Variants in WDR41 observed in about 807,000 individuals in gnomAD.
WDR41 encodes the protein WD repeat-containing protein 41.
Under a neutral mutation model 69.3 loss-of-function variants are expected in WDR41, and 63 were observed. The ratio of observed to expected loss-of-function variants is 0.91; its 90% CI spans 0.74 to 1.12. The LOEUF (loss-of-function observed/expected upper bound fraction) is 1.12, where lower values mean the gene tolerates loss of function less well. Ranked by LOEUF, WDR41 falls within the 50% of genes most tolerant of loss-of-function variation. The probability of loss-of-function intolerance (pLI) is 0.00; values close to 1 mark genes in which losing one functional copy is unlikely to be tolerated. For missense variants in WDR41, 543 were observed against 534.5 expected (o/e 1.02, Z -0.16); for synonymous variants, 185 against 192.1 (o/e 0.96, Z 0.31).
At chr5:77,466,804 C>A (rs1028152085) in intron 2 of WDR41, among the ~76,000 whole-genome samples, 1 of 143,138 alleles carries the variant, frequency 7.0e-6, no homozygotes, top group African/African-American at 2.8e-5. Flanking sequence ...TCTATTGCTA[C>A]CATTTTTTTT....
At chr5:77,480,479 G>C (rs1433707279) in intron 2 of WDR41, among the ~76,000 whole-genome samples, 2 of 152,036 alleles carry the variant, frequency 1.3e-5, no homozygotes, top group Non-Finnish European at 2.9e-5. Context: ...ATACACCATG[G>C]AATACTATGC....
chr5:77,528,206 A>G (rs995671383), intron 1 of WDR41, among the ~76,000 whole-genome samples: 1 of 151,754 alleles, frequency 6.6e-6, no homozygotes, highest in African/African-American at 2.4e-5. Context: ...GAGATTTACA[A>G]CACATATATA....
intron 1 of WDR41, among the ~76,000 whole-genome samples, chr5:77,607,461 G>A (rs927800138): frequency 2.0e-5 from 3 of 152,224 alleles, no homozygotes; most frequent in Non-Finnish European, 2.9e-5. Flanking sequence ...TTTCAAGAGG[G>A]TCACTAGAAG....
intron 4 of WDR41, among the ~76,000 whole-genome samples, chr5:77,460,402 T>G (rs962550679): frequency 3.3e-5 from 5 of 152,222 alleles, no homozygotes; most frequent in African/African-American, 9.7e-5. Context: ...TGGCCTTATA[T>G]TTACCAGAAT....
chr5:77,443,509 CTA>C (rs1213362720), intron 8 of WDR41, among the ~76,000 whole-genome samples: 3 of 152,148 alleles, frequency 2.0e-5, no homozygotes, highest in South Asian at 4.1e-4. Flanking sequence ...TTAACAGACT[CTA>C]TAGAACTTGC....
chr5:77,570,811 T>A (rs1206033374), intron 1 of WDR41, among the ~76,000 whole-genome samples: 1 of 151,950 alleles, frequency 6.6e-6, no homozygotes. Context: ...TCTTCCTTAG[T>A]CATCCATCTC....
intron 6 of WDR41, among the ~76,000 whole-genome samples, chr5:77,453,351 TTTGA>T (rs1459342222): frequency 1.7e-4 from 26 of 152,376 alleles, no homozygotes; most frequent in South Asian, 1.4e-3. Flanking sequence ...TCAAAACTGA[TTTGA>T]TTATTTTTTT....
At chr5:77,493,012 T>A (rs1227363448), upstream of WDR41, among the ~76,000 whole-genome samples, 1 of 152,242 alleles carries the variant, frequency 6.6e-6, no homozygotes, top group Non-Finnish European at 1.5e-5. Context: ...ATATACCTTT[T>A]TTTGACTACT....
chr5:77,597,650 G>A (rs571072920), intron 1 of WDR41, among the ~76,000 whole-genome samples: 2 of 152,280 alleles, frequency 1.3e-5, no homozygotes, highest in Admixed American at 1.3e-4. Context: ...CCTTGAAATA[G>A]ATTTGTTTTG....
chr5:77,530,731 A>G (rs1009713785), intron 1 of WDR41, among the ~76,000 whole-genome samples: 1 of 151,784 alleles, frequency 6.6e-6, no homozygotes, highest in African/African-American at 2.4e-5. Context: ...TATGCATTTC[A>G]TTATATGTAA....
chr5:77,432,685 A>C lies in WDR41; in HGVS notation c.*450T>G, dbSNP rs16874264. 0.042 allele frequency: 6,384 copies of C among 152,720 alleles called. 145 individuals carry two copies. Among genetic ancestry groups the C allele is most frequent in the Middle Eastern group, 0.098 (29 of 296 alleles). 9.5% of individuals were successfully genotyped at this position (152,720 alleles called of 1,614,324 possible). A position where few individuals can be genotyped will look rare whatever the true frequency, so the allele number is the denominator to read the frequency against. On this transcript the variant is annotated 3_prime_UTR_variant, in exon 13 of 13. Transcript: ENST00000296679. ...GTATATATGTTCCCTTTTTTGGCTG[A>C]GAGATTCAAGTTTGTGCTATATAGA...
At chr5:77,498,843 G>GAAA (rs1390611309) in intron 1 of WDR41, among the ~76,000 whole-genome samples, 1 of 141,630 alleles carries the variant, frequency 7.1e-6, no homozygotes, top group Non-Finnish European at 1.5e-5. Flanking sequence ...AAAAGAAAAA[G>GAAA]AAAAAAAGAA....
At chr5:77,611,343 C>T (rs185900835) in intron 1 of WDR41, among the ~76,000 whole-genome samples, 4,837 of 152,288 alleles carry the variant, frequency 0.032, 31 homozygotes, top group South Asian at 0.054. Context: ...CCCAAATCAA[C>T]AGAATATACA....
At chr5:77,582,300 A>C (rs1456430578) in intron 1 of WDR41, 3 of 1,371,822 alleles carry the variant, frequency 2.2e-6, no homozygotes, top group Non-Finnish European at 3.1e-6. Context: ...GAAAGTAGAC[A>C]ATATGCATAG....
chr5:77,464,780 A>G lies in WDR41; in HGVS notation c.197T>C (p.Val66Ala), dbSNP rs1318256733. The G allele has an allele frequency of 1.9e-6, 3 of 1,613,788 alleles. No homozygotes were observed. The highest frequency in any genetic ancestry group is 2.5e-6 in the Non-Finnish European group (3 of 1,179,922). ...RFASAGDDGI[V>A]VVWNAQTGEK... Reference sequence around the variant, plus strand: ...ACACACCTGGGCATTCCACACAACTACAATTCCATCATCACCAGCAGATGC... The same window carrying G: ...ACACACCTGGGCATTCCACACAACTGCAATTCCATCATCACCAGCAGATGC... The change falls in exon 3 of 13, where the codon GTA (valine) becomes GCA (alanine). Residue 66 changes from valine (V) to alanine (A), a missense_variant. Physicochemically the swap from Val to Ala is moderately conservative, Grantham distance 64. Coordinates refer to ENST00000296679, the MANE Select transcript of WDR41 (RefSeq NM_018268.4).
At chr5:77,495,041 A>G (rs2112142480), upstream of WDR41, among the ~76,000 whole-genome samples, 1 of 152,248 alleles carries the variant, frequency 6.6e-6, no homozygotes, top group African/African-American at 2.4e-5. Flanking sequence ...CAAACAACCA[A>G]TGAGTCACAA....
At chr5:77,488,440 T>A (rs187098852) in intron 2 of WDR41, among the ~76,000 whole-genome samples, 243 of 138,150 alleles carry the variant, frequency 1.8e-3, no homozygotes, top group African/African-American at 6.4e-3. Flanking sequence ...GTCTCTATTT[T>A]AAAAATTAAA....
intron 1 of WDR41, among the ~76,000 whole-genome samples, chr5:77,581,273 T>C (rs930510238): frequency 7.9e-5 from 12 of 152,180 alleles, no homozygotes; most frequent in African/African-American, 2.7e-4. Flanking sequence ...GAGGGACATT[T>C]TATAATGATA....
intron 2 of WDR41, among the ~76,000 whole-genome samples, chr5:77,478,160 A>C (rs979284497): frequency 1.3e-5 from 2 of 152,246 alleles, no homozygotes; most frequent in East Asian, 3.9e-4. Flanking sequence ...CAATAACAGG[A>C]TCTGAAATTG....
Sources: gnomAD v4.1 joint callset for allele counts (sites outside exome capture counted in the v4.1 genomes callset) on GRCh38, gnomAD v4.1.1 for gene constraint, MANE v1.5 for transcripts, NCBI Gene and HGNC (gene_info 2026-07-23, HGNC 2026-07-21) for gene names.